The following GSK3B variants were observed in gnomAD, a reference collection of about 807,000 sequenced individuals.
The protein encoded by GSK3B is glycogen synthase kinase-3 beta.
A neutral mutation model predicts 56.4 loss-of-function variants in GSK3B; 15 were observed. The ratio of observed to expected loss-of-function variants is 0.27; its 90% CI spans 0.18 to 0.41. The LOEUF is 0.41. GSK3B is among the 10% of genes least tolerant of loss of function. The pLI is 1.00. For synonymous variants in GSK3B, 181 were observed against 188.9 expected (o/e 0.96, Z 0.34); for missense variants, 300 against 513.4 (o/e 0.58, Z 4.02).
At chr3:120,082,041 C>A (rs936990270) in intron 1 of GSK3B, among the ~76,000 whole-genome samples, 4 of 152,126 alleles carry the variant, frequency 2.6e-5, no homozygotes, top group Non-Finnish European at 5.9e-5. Context: ...GTAAGGACAA[C>A]ACCTAATTAT....
chr3:119,990,150 A>T (rs2057550850), intron 2 of GSK3B, among the ~76,000 whole-genome samples: 1 of 152,154 alleles, frequency 6.6e-6, no homozygotes. Context: ...CTGACCAGAG[A>T]CATGCTAGCC....
At chr3:119,885,205 G>C (rs1197393658) in intron 7 of GSK3B, among the ~76,000 whole-genome samples, 6 of 151,070 alleles carry the variant, frequency 4.0e-5, no homozygotes, top group Non-Finnish European at 8.8e-5. Flanking sequence ...TAATGTTCAA[G>C]CTGAGAGCCC....
At chr3:119,900,450 T>C (rs2056613960) in intron 7 of GSK3B, among the ~76,000 whole-genome samples, 1 of 152,160 alleles carries the variant, frequency 6.6e-6, no homozygotes, top group South Asian at 2.1e-4. Context: ...AGTTTTGTGA[T>C]AGTTTAATCC....
At chr3:119,932,238 T>A (rs2056953244) in intron 3 of GSK3B, among the ~76,000 whole-genome samples, 1 of 152,206 alleles carries the variant, frequency 6.6e-6, no homozygotes. Flanking sequence ...TAACCCAGGA[T>A]TCTCATCAGA....
At chr3:119,902,483 G>C (rs1161256276) in intron 7 of GSK3B, among the ~76,000 whole-genome samples, 1 of 152,088 alleles carries the variant, frequency 6.6e-6, no homozygotes, top group East Asian at 1.9e-4. Flanking sequence ...TGCAACATCT[G>C]CTTCCCAGGT....
chr3:119,907,800 T>C (rs1424207595), intron 6 of GSK3B, among the ~76,000 whole-genome samples: 1 of 152,184 alleles, frequency 6.6e-6, no homozygotes, highest in African/African-American at 2.4e-5. Context: ...TACTGAATAG[T>C]AGAGCTAGGC....
At chr3:119,914,359 C>T (rs969367636) in intron 5 of GSK3B, among the ~76,000 whole-genome samples, 6 of 151,978 alleles carry the variant, frequency 3.9e-5, no homozygotes, top group African/African-American at 1.2e-4. Context: ...ATCAAACAAG[C>T]GAAATCCCTC....
chr3:120,070,861 C>T (rs907241008), intron 1 of GSK3B, among the ~76,000 whole-genome samples: 8 of 152,166 alleles, frequency 5.3e-5, no homozygotes, highest in African/African-American at 1.7e-4. Context: ...ACTTAGGAAT[C>T]GGCAAGATTA....
intron 1 of GSK3B, among the ~76,000 whole-genome samples, chr3:120,038,710 C>T (rs995410821): frequency 1.3e-5 from 2 of 151,858 alleles, no homozygotes; most frequent in Admixed American, 6.6e-5. Flanking sequence ...CATCATAGAC[C>T]TAAAGTAAAA....
At chr3:120,057,100 G>A (rs904679604) in intron 1 of GSK3B, among the ~76,000 whole-genome samples, 1 of 152,298 alleles carries the variant, frequency 6.6e-6, no homozygotes, top group East Asian at 1.9e-4. Flanking sequence ...AGCCAAGATC[G>A]TGCCACTGCA....
At chr3:120,029,943 G>A (rs1251935698) in intron 1 of GSK3B, 1 of 533,352 alleles carries the variant, frequency 1.9e-6, no homozygotes, top group Non-Finnish European at 3.8e-6. Context: ...GCCCTAGAGT[G>A]ACCACAGCTA....
chr3:120,076,779 A>G (rs1005845316), intron 1 of GSK3B, among the ~76,000 whole-genome samples: 2 of 134,656 alleles, frequency 1.5e-5, no homozygotes, highest in East Asian at 4.4e-4. Flanking sequence ...GCGCCACTGC[A>G]CTCCAGCCTG....
intron 1 of GSK3B, among the ~76,000 whole-genome samples, chr3:120,054,356 C>T (rs1416464291): frequency 6.6e-6 from 1 of 152,064 alleles, no homozygotes; most frequent in Non-Finnish European, 1.5e-5. Flanking sequence ...TCCACTTCCT[C>T]ACCTCTATAT....
chr3:119,917,838 CTT>C (rs143152444), intron 4 of GSK3B, among the ~76,000 whole-genome samples: 245 of 151,988 alleles, frequency 1.6e-3, no homozygotes, highest in Middle Eastern at 3.4e-3. Context: ...TGTTATTTCA[CTT>C]TGTAAAAGTG....
intron 10 of GSK3B, among the ~76,000 whole-genome samples, chr3:119,839,424 A>T (rs1577306772): frequency 6.6e-6 from 1 of 152,122 alleles, no homozygotes; most frequent in Non-Finnish European, 1.5e-5. Flanking sequence ...AGGTCTACAC[A>T]AATGTCAGAA....
At chr3:120,082,611 G>A (rs969941314) in intron 1 of GSK3B, among the ~76,000 whole-genome samples, 1 of 151,766 alleles carries the variant, frequency 6.6e-6, no homozygotes, top group Non-Finnish European at 1.5e-5. Context: ...GGCCAGGTTG[G>A]TCTTGAACTC....
intron 9 of GSK3B, among the ~76,000 whole-genome samples, chr3:119,858,648 T>G (rs934358986): frequency 6.6e-6 from 1 of 152,204 alleles, no homozygotes; most frequent in Non-Finnish European, 1.5e-5. Flanking sequence ...CTTTGACAAC[T>G]TTTTCTTTGC....
At chr3:119,898,881 GT>G in intron 7 of GSK3B, among the ~76,000 whole-genome samples, 1 of 152,288 alleles carries the variant, frequency 6.6e-6, no homozygotes, top group Middle Eastern at 3.4e-3. Context: ...GTAAAGTTCT[GT>G]GAATGTAGTC....
At chr3:119,874,311 T>C (rs546447146) in intron 8 of GSK3B, among the ~76,000 whole-genome samples, 11 of 152,220 alleles carry the variant, frequency 7.2e-5, no homozygotes, top group Non-Finnish European at 1.0e-4. Flanking sequence ...TTTTTCTCTA[T>C]ACATACAGTG....
Sources: allele counts gnomAD v4.1 joint callset (sites outside exome capture counted in the v4.1 genomes callset), GRCh38; gene constraint gnomAD v4.1.1; transcripts MANE v1.5; gene names NCBI Gene and HGNC (gene_info 2026-07-23, HGNC 2026-07-21).